LMNTD1: variants seen among roughly 807,000 people sequenced by gnomAD.
The protein encoded by LMNTD1 is lamin tail domain-containing protein 1.
LMNTD1 carries 35 observed loss-of-function variants against 50.9 expected under a neutral mutation model. That is an observed-to-expected ratio of 0.69 (90% CI 0.53 to 0.91). LMNTD1 has a LOEUF of 0.91. LMNTD1 is among the 40% of genes least tolerant of loss of function. LMNTD1 has a pLI of 0.00. For missense variants in LMNTD1, 470 were observed against 475.5 expected, an observed-to-expected ratio of 0.99 and a Z score of 0.11; for synonymous variants, 153 against 161.9, an observed-to-expected ratio of 0.94 and a Z score of 0.42.
intron 1 of LMNTD1, among the ~76,000 whole-genome samples, chr12:25,559,270 C>A (rs901786241): frequency 6.6e-6 from 1 of 152,076 alleles, no homozygotes; most frequent in Non-Finnish European, 1.5e-5. Flanking sequence ...TGTTCAATTC[C>A]CACCTATGAG....
At chr12:25,516,912 C>T (rs1940825604) in intron 8 of LMNTD1, among the ~76,000 whole-genome samples, 1 of 151,666 alleles carries the variant, frequency 6.6e-6, no homozygotes, top group South Asian at 2.1e-4. Flanking sequence ...TGAACAGATA[C>T]TTCTCTAAAG....
intron 1 of LMNTD1, among the ~76,000 whole-genome samples, chr12:25,640,530 A>T (rs1229865171): frequency 1.3e-5 from 2 of 152,032 alleles, no homozygotes; most frequent in South Asian, 4.1e-4. Context: ...CTAAAATTAT[A>T]TTGTGGTGAT....
At chr12:25,492,877 A>G (rs1240593883) in intron 9 of LMNTD1, among the ~76,000 whole-genome samples, 2 of 152,176 alleles carry the variant, frequency 1.3e-5, no homozygotes, top group Non-Finnish European at 2.9e-5. Context: ...AAAGCTCACA[A>G]TCTACTTTTC....
At chr12:25,498,470 G>A (rs1165405926) in intron 9 of LMNTD1, among the ~76,000 whole-genome samples, 1 of 152,162 alleles carries the variant, frequency 6.6e-6, no homozygotes, top group Non-Finnish European at 1.5e-5. Flanking sequence ...ACTTCAAGGA[G>A]ACAGATTCCA....
chr12:25,579,362 G>A (rs1423719878), intron 1 of LMNTD1, among the ~76,000 whole-genome samples: 2 of 152,046 alleles, frequency 1.3e-5, no homozygotes, highest in South Asian at 2.1e-4. Flanking sequence ...GTAATCTAGA[G>A]GTAATTTAAA....
chr12:25,559,673 G>T lies in LMNTD1; in HGVS notation c.59-13119C>A, dbSNP rs540807169. Among the ~76,000 whole-genome samples, 236 of 152,296 alleles carry T rather than the reference G, an allele frequency of 1.5e-3. 2 individuals carry two copies. The highest frequency in any genetic ancestry group is 5.5e-3 in the African/African-American group (229 of 41,564). On this transcript the variant is annotated intron_variant, in intron 1 of 7. Coordinates refer to the LMNTD1 transcript ENST00000445693. ...TTACAGTCCAACCAACAGTGTAAAA[G>T]TGTTCCTATTTCTCCACATCCTCTC...
chr12:25,516,528 A>G (rs1162045980), intron 8 of LMNTD1, among the ~76,000 whole-genome samples: 1 of 152,222 alleles, frequency 6.6e-6, no homozygotes, highest in Non-Finnish European at 1.5e-5. Flanking sequence ...TTTAAGTCAT[A>G]AAGTACTAAA....
At chr12:25,643,386 G>GTGCTGA (rs1360602795) in intron 1 of LMNTD1, among the ~76,000 whole-genome samples, 1 of 152,188 alleles carries the variant, frequency 6.6e-6, no homozygotes, top group Non-Finnish European at 1.5e-5. Context: ...GGAGGCCAGT[G>GTGCTGA]TGCTGAGTAA....
chr12:25,498,185 C>T (rs1281531472), intron 9 of LMNTD1, among the ~76,000 whole-genome samples: 1 of 152,104 alleles, frequency 6.6e-6, no homozygotes, highest in African/African-American at 2.4e-5. Context: ...AACTTTTAGA[C>T]TGTTGATAGG....
At chr12:25,612,857 A>T (rs1447626391) in intron 1 of LMNTD1, among the ~76,000 whole-genome samples, 1 of 152,190 alleles carries the variant, frequency 6.6e-6, no homozygotes. Context: ...TCAGATGTGA[A>T]TAGATTAAGG....
At position 25,549,494 on chromosome 12, in the gene LMNTD1, A is replaced by T; in HGVS notation, c.142T>A (p.Leu48Met). The T allele has an allele frequency of 6.2e-7, 1 of 1,613,198 alleles. No individual in the cohort carries two copies. Among genetic ancestry groups the T allele is most frequent in the South Asian group, 1.1e-5 (1 of 90,996 alleles). The change falls in exon 3 of 10, where the codon TTG becomes ATG. Residue 48 changes from leucine (L) to methionine (M), a missense_variant. Coordinates refer to ENST00000458174, the MANE Select transcript of LMNTD1 (RefSeq NM_001145728.2). ...YSLVHFSPKM[L>M]GSVATTLPLS... ...GGCAGTGTTGTGGCAACTGAACCCA[A>T]CATCTTTGGGGAAAAATGTACTAAA...
intron 1 of LMNTD1, among the ~76,000 whole-genome samples, chr12:25,569,450 A>G (rs1308098363): frequency 6.6e-6 from 1 of 152,172 alleles, no homozygotes; most frequent in Non-Finnish European, 1.5e-5. Flanking sequence ...TTAGGACTTT[A>G]AACTTGATGT....
intron 1 of LMNTD1, among the ~76,000 whole-genome samples, chr12:25,578,926 A>G (rs1309695789): frequency 1.3e-5 from 2 of 152,188 alleles, no homozygotes; most frequent in African/African-American, 2.4e-5. Flanking sequence ...GACCCAAACC[A>G]TCTAACCAAA....
chr12:25,648,165 A>C (rs1947113525), intron 1 of LMNTD1, among the ~76,000 whole-genome samples: 1 of 152,168 alleles, frequency 6.6e-6, no homozygotes, highest in Admixed American at 6.5e-5. Context: ...TCTGTAGGAT[A>C]CCTCTTTTTA....
At chr12:25,477,317 CAG>C (rs1261717985) in intron 9 of LMNTD1, among the ~76,000 whole-genome samples, 4 of 151,594 alleles carry the variant, frequency 2.6e-5, no homozygotes, top group Non-Finnish European at 5.9e-5. Context: ...AAAAAGGCGA[CAG>C]AGAGAGGGAG....
intron 6 of LMNTD1, 68 bp from the exon 7 acceptor site, chr12:25,520,143 TAC>T (rs774951759): frequency 0.18 from 14,994 of 83,366 alleles, 1,962 homozygotes; most frequent in East Asian, 0.25. Context: ...TTATGAGATA[TAC>T]ATATATATAT....
chr12:25,512,105 A>G (rs1940344881), intron 8 of LMNTD1, among the ~76,000 whole-genome samples: 1 of 152,250 alleles, frequency 6.6e-6, no homozygotes, highest in Non-Finnish European at 1.5e-5. Flanking sequence ...AAGTATTTTA[A>G]AATGAAATAA....
In LMNTD1 at chr12:25,537,164, T is replaced by C. The variant is rs571089352; in HGVS notation, c.491+9210A>G. Among the ~76,000 whole-genome samples, 48 of 152,272 alleles carry C rather than the reference T, an allele frequency of 3.2e-4. No individual in the cohort carries two copies. The East Asian group carries it at 4.1e-3, about 13-fold the overall frequency. On this transcript the variant is annotated intron_variant, in intron 4 of 9. Coordinates refer to ENST00000458174, the MANE Select transcript of LMNTD1 (RefSeq NM_001145728.2). ...GAGGCTGGGGGAGGGGCGCCCACCA[T>C]TGCCCAGGCTTGCTTAGGTAAACAA...
intron 4 of LMNTD1, among the ~76,000 whole-genome samples, chr12:25,527,900 T>C (rs1055724272): frequency 2.0e-5 from 3 of 151,482 alleles, no homozygotes; most frequent in African/African-American, 7.3e-5. Flanking sequence ...GGTCCAAAAC[T>C]GAGGTGAGGC....
Sources: gnomAD v4.1 joint callset for allele counts (sites outside exome capture counted in the v4.1 genomes callset) on GRCh38, gnomAD v4.1.1 for gene constraint, MANE v1.5 for transcripts, NCBI Gene and HGNC (gene_info 2026-07-23, HGNC 2026-07-21) for gene names.